The following ITPR2 variants were observed in gnomAD, a reference collection of about 807,000 sequenced individuals.
ITPR2 encodes the protein inositol 1,4,5-trisphosphate-gated calcium channel ITPR2.
In ITPR2, 207 loss-of-function variants were observed where a neutral mutation model predicts 317.1. The ratio of observed to expected loss-of-function variants is 0.65; its 90% CI spans 0.58 to 0.73. The LOEUF (loss-of-function observed/expected upper bound fraction) is 0.73, where lower values mean the gene tolerates loss of function less well. Among genes scored for constraint, ITPR2 ranks in the 30% least tolerant of loss-of-function variants. The pLI, the probability that ITPR2 is intolerant of heterozygous loss-of-function variation, is 0.00. For missense variants in ITPR2, 2,613 were observed against 3,284.0 expected, an observed-to-expected ratio of 0.80 and a Z score of 4.99; for synonymous variants, 1,156 against 1,149.1, an observed-to-expected ratio of 1.01 and a Z score of -0.12.
At chr12:26,623,071 G>C (rs572642201) in intron 24 of ITPR2, among the ~76,000 whole-genome samples, 2 of 152,194 alleles carry the variant, frequency 1.3e-5, no homozygotes, top group South Asian at 4.2e-4. Flanking sequence ...CCTAATTCTT[G>C]ATTCTTGTTT....
At chr12:26,624,946 C>T (rs1946586480) in intron 23 of ITPR2, among the ~76,000 whole-genome samples, 1 of 151,936 alleles carries the variant, frequency 6.6e-6, no homozygotes, top group African/African-American at 2.4e-5. Context: ...AAGTGTCCAT[C>T]AACAGACAAA....
intron 54 of ITPR2, among the ~76,000 whole-genome samples, chr12:26,394,768 G>A (rs1315825359): frequency 7.2e-5 from 11 of 152,148 alleles, no homozygotes; most frequent in South Asian, 2.1e-4. Flanking sequence ...TTGTGAGCCC[G>A]GGTTAGCCTG....
At chr12:26,572,509 T>A (rs974650909) in intron 34 of ITPR2, among the ~76,000 whole-genome samples, 10 of 152,206 alleles carry the variant, frequency 6.6e-5, no homozygotes, top group Non-Finnish European at 1.3e-4. Flanking sequence ...AAAAAGCAAC[T>A]GAGGTGCTGC....
intron 32 of ITPR2, among the ~76,000 whole-genome samples, chr12:26,585,992 T>A (rs1297771324): frequency 6.6e-6 from 1 of 152,236 alleles, no homozygotes; most frequent in African/African-American, 2.4e-5. Flanking sequence ...ACTTTTTGTA[T>A]TTCCTGTTCT....
chr12:26,634,742 G>A (rs529560507), intron 21 of ITPR2, among the ~76,000 whole-genome samples: 4 of 151,910 alleles, frequency 2.6e-5, no homozygotes, highest in East Asian at 3.9e-4. Flanking sequence ...AAAACTAGCC[G>A]GGCGTGCTTG....
At chr12:26,573,149 A>G (rs1945203894) in intron 34 of ITPR2, among the ~76,000 whole-genome samples, 1 of 152,074 alleles carries the variant, frequency 6.6e-6, no homozygotes, top group African/African-American at 2.4e-5. Flanking sequence ...TAAGCTCCTA[A>G]GTAGCTAGGA....
At chr12:26,438,915 A>G (rs145169898) in intron 47 of ITPR2, among the ~76,000 whole-genome samples, 1 of 152,322 alleles carries the variant, frequency 6.6e-6, no homozygotes, top group Non-Finnish European at 1.5e-5. Flanking sequence ...AGTCGATGTA[A>G]TTAGTTAGGG....
At chr12:26,373,197 C>T (rs1939237677) in intron 55 of ITPR2, among the ~76,000 whole-genome samples, 1 of 152,152 alleles carries the variant, frequency 6.6e-6, no homozygotes, top group African/African-American at 2.4e-5. Flanking sequence ...TTAATATACC[C>T]ACAACTTCAT....
Position 26,790,722 on chromosome 12 carries a change from T to A in ITPR2, c.93-495A>T, listed in dbSNP as rs573058489. 4.6e-5 allele frequency among the ~76,000 whole-genome samples: 7 copies of A among 152,290 alleles called. No homozygotes were observed. In the South Asian group the frequency reaches 1.2e-3, roughly 27 times the overall value. ...TGTCTTTTATTTTTCCCGGTGTGTA[T>A]GTATGTTTTACAGGGAATGTGTAAG... On this transcript the variant is annotated intron_variant, in intron 1 of 56. Coordinates refer to ENST00000381340, the MANE Select transcript of ITPR2 (RefSeq NM_002223.4).
intron 11 of ITPR2, 90 bp from the exon 12 acceptor site, chr12:26,682,763 C>T: frequency 1.4e-6 from 1 of 712,242 alleles, no homozygotes; most frequent in Non-Finnish European, 2.4e-6. Context: ...ATTATATGAA[C>T]ATAAATACAT....
chr12:26,522,841 C>G lies in ITPR2; in HGVS notation c.5073+27406G>C, dbSNP rs543687903. Among the ~76,000 whole-genome samples, 816 of 151,616 alleles carry G rather than the reference C, an allele frequency of 5.4e-3. 10 individuals are homozygous for G. Among genetic ancestry groups the G allele is most frequent in the African/African-American group, 0.019 (765 of 41,344 alleles). Reference sequence around the variant, plus strand: ...AAGAAAAAAAGCCATGCTTCCACGGCGGGGGGGGAACCCCACAACAACACC... The same window carrying G: ...AAGAAAAAAAGCCATGCTTCCACGGGGGGGGGGGAACCCCACAACAACACC... On this transcript the variant is annotated intron_variant, in intron 37 of 56. Transcript: ENST00000381340.
At position 26,736,151 on chromosome 12, in the gene ITPR2, G is replaced by C. The variant is rs138015870; in HGVS notation, c.164-10386C>G. ...GGTTTTACCATCTTTTTTGCGGGGT[G>C]GGGGGAGGTCTCCTATCAAAATACA... On this transcript the variant is annotated intron_variant, in intron 2 of 56. Coordinates refer to ENST00000381340, the MANE Select transcript of ITPR2 (RefSeq NM_002223.4). 1.7e-3 allele frequency among the ~76,000 whole-genome samples: 254 copies of C among 152,136 alleles called. 2 individuals carry two copies. The highest frequency in any genetic ancestry group is 5.9e-3 in the African/African-American group (244 of 41,502).
At chr12:26,809,843 C>T (rs1389372051) in intron 1 of ITPR2, among the ~76,000 whole-genome samples, 1 of 152,222 alleles carries the variant, frequency 6.6e-6, no homozygotes, top group African/African-American at 2.4e-5. Flanking sequence ...TAGACTCCCT[C>T]TTTCCCACAC....
chr12:26,739,233 G>A (rs1949187359), intron 2 of ITPR2, among the ~76,000 whole-genome samples: 1 of 152,176 alleles, frequency 6.6e-6, no homozygotes, highest in African/African-American at 2.4e-5. Context: ...CCCTACTTTG[G>A]AGAACATTTT....
At chr12:26,537,786 G>A (rs1170800061) in intron 37 of ITPR2, among the ~76,000 whole-genome samples, 3 of 152,126 alleles carry the variant, frequency 2.0e-5, no homozygotes, top group South Asian at 2.1e-4. Flanking sequence ...AAAAGCCAGC[G>A]ATAACTGAGA....
chr12:26,483,787 G>C lies in ITPR2; in HGVS notation c.5923C>G (p.Leu1975Val). 2 of 1,614,110 alleles carry C rather than the reference G, an allele frequency of 1.2e-6. No individual in the cohort carries two copies. The highest frequency in any genetic ancestry group is 1.7e-6 in the Non-Finnish European group (2 of 1,179,954). The change falls in exon 42 of 57, where the codon CTC (leucine) becomes GTC (valine). Residue 1975 changes from leucine to valine, a missense_variant. Physicochemically the swap from Leu to Val is conservative, Grantham distance 32 (BLOSUM62 1). Around this residue, in one of 9 missense-constraint regions of ITPR2, gnomAD observed 926 missense variants for 1,072.8 expected, o/e 0.86. Coordinates refer to ENST00000381340, the MANE Select transcript of ITPR2 (RefSeq NM_002223.4). ...GCTACATTCTTCTCATTGATGTAGA[G>C]ACCCAACAGGCCCAGGCCACCGGTT... Reference protein sequence around the residue: ...STTGGLGLLGLYINEKNVALV... With the variant: ...STTGGLGLLGVYINEKNVALV...
At position 26,463,703 on chromosome 12, in the gene ITPR2, A is replaced by AAC. The variant is rs1565540961; in HGVS notation, c.6342+11592_6342+11593insGT. ...ACAAAAAACAAACAAACAAACAAAA[A>AAC]AAAAACAAATTAAGTACTCTAAGGA... On this transcript the variant is annotated intron_variant, in intron 45 of 56. Transcript: ENST00000381340. Among the ~76,000 whole-genome samples the AAC allele has an allele frequency of 4.6e-5, 7 of 151,800 alleles. No homozygotes were observed. The South Asian group carries it at 1.2e-3, about 27-fold the overall frequency.
chr12:26,549,630 G>T (rs1944475973), intron 37 of ITPR2, among the ~76,000 whole-genome samples: 1 of 151,978 alleles, frequency 6.6e-6, no homozygotes, highest in Non-Finnish European at 1.5e-5. Flanking sequence ...ATCACCTTGG[G>T]TATCAAACAT....
chr12:26,668,990 C>T (rs1422718641), intron 13 of ITPR2, among the ~76,000 whole-genome samples: 4 of 151,990 alleles, frequency 2.6e-5, no homozygotes, highest in East Asian at 1.9e-4. Context: ...AGGTGGCATG[C>T]GCCTATGGTC....
Sources: gnomAD v4.1 joint callset for allele counts (sites outside exome capture counted in the v4.1 genomes callset) on GRCh38, gnomAD v4.1.1 for gene constraint, gnomAD v4.1.1 regional missense constraint, MANE v1.5 for transcripts, NCBI Gene and HGNC (gene_info 2026-07-23, HGNC 2026-07-21) for gene names.